Variants in STK32B observed in about 807,000 individuals in gnomAD.
STK32B encodes the protein serine/threonine kinase 32B.
STK32B carries 43 observed loss-of-function variants against 52.6 expected under a neutral mutation model. The observed-to-expected ratio is 0.82, with a 90% CI of 0.64 to 1.05. The LOEUF (loss-of-function observed/expected upper bound fraction) is 1.05. Ranked by LOEUF, STK32B falls within the 50% of genes least tolerant of loss-of-function variation. STK32B has a pLI of 0.00. For missense variants in STK32B, 621 were observed against 534.6 expected (o/e 1.16, Z -1.59); for synonymous variants, 238 against 204.3 (o/e 1.17, Z -1.41).
intron 3 of STK32B, among the ~76,000 whole-genome samples, chr4:5,198,513 G>A (rs187778854): frequency 1.3e-5 from 2 of 152,324 alleles, no homozygotes; most frequent in Admixed American, 1.3e-4. Context: ...GTTGGGTACT[G>A]AAGGACAAGG....
intron 3 of STK32B, among the ~76,000 whole-genome samples, chr4:5,169,489 G>A (rs982073048): frequency 9.2e-5 from 14 of 152,176 alleles, no homozygotes; most frequent in African/African-American, 3.4e-4. Context: ...CAGTTGCCCT[G>A]CACACTTAGA....
At chr4:5,175,741 T>C (rs1213405701) in intron 3 of STK32B, among the ~76,000 whole-genome samples, 1 of 152,194 alleles carries the variant, frequency 6.6e-6, no homozygotes, top group Admixed American at 6.5e-5. Flanking sequence ...TTAGGCTACT[T>C]GGGGATCAGG....
At chr4:5,445,626 C>A (rs1436291303) in intron 6 of STK32B, among the ~76,000 whole-genome samples, 1 of 152,152 alleles carries the variant, frequency 6.6e-6, no homozygotes, top group Admixed American at 6.5e-5. Flanking sequence ...CACTCTTGGG[C>A]CTCCATCCCC....
chr4:5,081,891 G>A (rs114986915), intron 1 of STK32B, among the ~76,000 whole-genome samples: 2,267 of 152,118 alleles, frequency 0.015, 28 homozygotes, highest in Admixed American at 0.029. Flanking sequence ...ATTTCTTTGG[G>A]GTTGGTTAAT....
chr4:5,315,982 G>A (rs1272374816), intron 3 of STK32B, among the ~76,000 whole-genome samples: 4 of 150,330 alleles, frequency 2.7e-5, no homozygotes, highest in Non-Finnish European at 5.9e-5. Flanking sequence ...TGGGAGTATA[G>A]GTGTGAGCCA....
At chr4:5,133,972 A>C (rs1490849623) in intron 1 of STK32B, among the ~76,000 whole-genome samples, 1 of 152,218 alleles carries the variant, frequency 6.6e-6, no homozygotes, top group Non-Finnish European at 1.5e-5. Flanking sequence ...ACTTTGTTTA[A>C]ACCTTTGTCC....
At chr4:5,485,828 C>A (rs1321093245) in intron 11 of STK32B, among the ~76,000 whole-genome samples, 2 of 152,200 alleles carry the variant, frequency 1.3e-5, no homozygotes, top group African/African-American at 4.8e-5. Flanking sequence ...AGCTGCAGGT[C>A]TGTTGGAGTT....
intron 3 of STK32B, among the ~76,000 whole-genome samples, chr4:5,254,957 C>T (rs943046205): frequency 7.3e-6 from 1 of 136,384 alleles, no homozygotes; most frequent in Non-Finnish European, 1.5e-5. Context: ...TAGTTGGTAT[C>T]ATTCACTAAT....
chr4:5,135,871 C>A lies in STK32B; in HGVS notation c.53-4034C>A, dbSNP rs141288772. 1.8e-3 allele frequency among the ~76,000 whole-genome samples: 280 copies of A among 152,316 alleles called. 1 individual carries two copies. The highest frequency in any genetic ancestry group is 6.0e-3 in the African/African-American group (248 of 41,570). ...GATCTCATTGATTAGATCTGGATCACAAGGTCACTGCTGGCTGCACAGTGG... is the reference window on the plus strand; with the variant it reads ...GATCTCATTGATTAGATCTGGATCAAAAGGTCACTGCTGGCTGCACAGTGG... On this transcript the variant is annotated intron_variant, in intron 1 of 11. Transcript: ENST00000282908.
chr4:5,188,883 G>C (rs1720958227), intron 3 of STK32B, among the ~76,000 whole-genome samples: 1 of 151,204 alleles, frequency 6.6e-6, no homozygotes, highest in Non-Finnish European at 1.5e-5. Context: ...GGCTGGGGGA[G>C]GAATAGCGTT....
intron 2 of STK32B, among the ~76,000 whole-genome samples, chr4:5,162,606 T>C (rs934971348): frequency 4.6e-5 from 7 of 152,230 alleles, no homozygotes; most frequent in Non-Finnish European, 1.0e-4. Flanking sequence ...TAATTAATAA[T>C]GATGACATCA....
chr4:5,019,407 G>GAGC, the STK32B span: 1 of 1,491,004 alleles, frequency 6.7e-7, no homozygotes, highest in Non-Finnish European at 8.9e-7. Flanking sequence ...CTCCCGCCAG[G>GAGC]AGCAGCAGCA....
At chr4:5,334,686 AG>A (rs1211427293) in intron 4 of STK32B, among the ~76,000 whole-genome samples, 3 of 150,096 alleles carry the variant, frequency 2.0e-5, no homozygotes, top group African/African-American at 7.5e-5. Context: ...TTTAGCCTGA[AG>A]GGTTGTTGAA....
intron 3 of STK32B, among the ~76,000 whole-genome samples, chr4:5,287,600 C>G (rs1236185434): frequency 6.6e-6 from 1 of 152,104 alleles, no homozygotes; most frequent in African/African-American, 2.4e-5. Context: ...TAGTGTCGTT[C>G]CTGCCCCAAT....
chr4:5,263,093 A>G (rs999212288), intron 3 of STK32B, among the ~76,000 whole-genome samples: 8 of 151,692 alleles, frequency 5.3e-5, no homozygotes, highest in African/African-American at 1.9e-4. Context: ...TCTTTCCACT[A>G]GACTATGAGC....
chr4:5,290,645 A>C (rs1401899078), intron 3 of STK32B, among the ~76,000 whole-genome samples: 3 of 151,524 alleles, frequency 2.0e-5, no homozygotes, highest in Non-Finnish European at 4.4e-5. Flanking sequence ...ATACATGTAA[A>C]CTTTACTTTT....
At chr4:5,362,227 T>G (rs1734591444) in intron 4 of STK32B, among the ~76,000 whole-genome samples, 1 of 152,194 alleles carries the variant, frequency 6.6e-6, no homozygotes, top group African/African-American at 2.4e-5. Flanking sequence ...ATCGCAGATA[T>G]GAAGGCACAA....
intron 7 of STK32B, among the ~76,000 whole-genome samples, chr4:5,452,039 T>G (rs1272488047): frequency 6.6e-6 from 1 of 152,168 alleles, no homozygotes; most frequent in Non-Finnish European, 1.5e-5. Context: ...AGAGGCTGGA[T>G]CATACCTGTT....
chr4:5,258,351 ATGAGAT>A (rs1726473040), intron 3 of STK32B, among the ~76,000 whole-genome samples: 1 of 152,164 alleles, frequency 6.6e-6, no homozygotes, highest in Non-Finnish European at 1.5e-5. Context: ...GGAGACAATT[ATGAGAT>A]TGAATGTCTG....
Sources: allele counts gnomAD v4.1 joint callset (sites outside exome capture counted in the v4.1 genomes callset), GRCh38; gene constraint gnomAD v4.1.1; transcripts MANE v1.5; gene names NCBI Gene and HGNC (gene_info 2026-07-23, HGNC 2026-07-21).